The following BAHCC1 variants were observed in gnomAD, a reference collection of about 807,000 sequenced individuals.
BAHCC1 encodes the protein BAH and coiled-coil domain-containing protein 1.
Under a neutral mutation model 88.2 loss-of-function variants are expected in BAHCC1, and 43 were observed. The observed-to-expected ratio is 0.49, with a 90% CI of 0.38 to 0.63. The LOEUF is 0.63. Among genes scored for constraint, BAHCC1 ranks in the 20% least tolerant of loss-of-function variants. The pLI, the probability that BAHCC1 is intolerant of heterozygous loss-of-function variation, is 0.00. For synonymous variants in BAHCC1, 1,510 were observed against 745.5 expected (o/e 2.03, Z -16.71); for missense variants, 3,023 against 1,654.8 (o/e 1.83, Z -14.34).
chr17:81,447,135 C>T lies in BAHCC1; in HGVS notation c.3263C>T (p.Thr1088Ile), dbSNP rs1555654636. Reference sequence around the variant, plus strand: ...CTCGAGGACCCTGAAACTATGCAAACCACCGCCCCGGGGGCCCAGCCTGAG... The same window carrying T: ...CTCGAGGACCCTGAAACTATGCAAATCACCGCCCCGGGGGCCCAGCCTGAG... ...SNLEDPETMQ[T>I]TAPGAQPEPT... The change falls in exon 11 of 28, where the codon ACC (threonine) becomes ATC (isoleucine). Residue 1088 changes from threonine (T) to isoleucine (I), a missense_variant. Coordinates refer to ENST00000675386, the MANE Select transcript of BAHCC1 (RefSeq NM_001377448.1). 1.3e-6 allele frequency: 1 copy of T among 779,064 alleles called. No individual in the cohort carries two copies. The highest frequency in any genetic ancestry group is 2.4e-5 in the East Asian group (1 of 41,252). The allele number at this position is 779,064 out of a possible 1,614,324, so 48.3% of individuals were successfully genotyped here. A position where few individuals can be genotyped will look rare whatever the true frequency, so the allele number is the denominator to read the frequency against.
In BAHCC1 at chr17:81,463,522, G is replaced by T. The variant is rs1555660040; in HGVS notation, c.7621-89G>T. On this transcript the variant is annotated intron_variant, in intron 27 of 27. Coordinates refer to ENST00000675386, the MANE Select transcript of BAHCC1 (RefSeq NM_001377448.1). ...AGAAGTCCATCCGGTGACCCTTACA[G>T]AGCATGGGTGGGCGGGTGGTCTTTC... The T allele has an allele frequency of 9.4e-6, 7 of 742,642 alleles. No individual in the cohort carries two copies. The Admixed American group carries it at 1.1e-4, about 12-fold the overall frequency. 46.0% of individuals were successfully genotyped at this position (742,642 alleles called of 1,614,324 possible).
chr17:81,447,694 C>A lies in BAHCC1; in HGVS notation c.3822C>A (p.Pro1274=). The A allele has an allele frequency of 1.4e-6, 1 of 735,812 alleles. No individual in the cohort carries two copies. Among genetic ancestry groups the A allele is most frequent in the Non-Finnish European group, 2.5e-6 (1 of 396,120 alleles). 45.6% of individuals were successfully genotyped at this position (735,812 alleles called of 1,614,324 possible). ...CCACCATCAACCTGGGGGACCTGCC[C>A]AGCGACAGCCCACCGGACCCTCAGC... is the stretch of plus-strand genomic sequence containing the variant. ...VAATINLGDL[P]SDSPPDPQPP... Residue 1274 remains proline (P), a synonymous_variant, in exon 11 of 28, where the codon CCC becomes CCA. Coordinates refer to ENST00000675386, the MANE Select transcript of BAHCC1 (RefSeq NM_001377448.1).
chr17:81,455,598 G>A (rs1417884505), intron 15 of BAHCC1, among the ~76,000 whole-genome samples: 5 of 152,148 alleles, frequency 3.3e-5, no homozygotes, highest in South Asian at 2.1e-4. Flanking sequence ...TGGCCCTGCC[G>A]CCACTTGCCC....
At chr17:81,451,634 G>C in intron 11 of BAHCC1, 34 bp from the exon 12 acceptor site, 1 of 762,602 alleles carries the variant, frequency 1.3e-6, no homozygotes, top group Non-Finnish European at 2.4e-6. Context: ...TGTGTGCCCA[G>C]TTATGCCCAT....
chr17:81,444,665 C>T lies in BAHCC1; in HGVS notation c.2513-3C>T, dbSNP rs782661051. The T allele has an allele frequency of 4.1e-5, 32 of 771,844 alleles. No homozygotes were observed. The highest frequency in any genetic ancestry group is 6.8e-5 in the African/African-American group (4 of 59,094). 47.8% of individuals were successfully genotyped at this position (771,844 alleles called of 1,614,324 possible). ...CCTGACCACTGTGCCCTCTGCCTCC[C>T]AGGCCTGGGGCACCCTGCCCTGCAC... is the stretch of plus-strand genomic sequence containing the variant. On this transcript the variant is annotated splice_polypyrimidine_tract_variant and splice_region_variant and intron_variant, in intron 7 of 27. Transcript: ENST00000675386.
At chr17:81,463,138 A>G (rs1555659979) in intron 27 of BAHCC1, among the ~76,000 whole-genome samples, 162 bp downstream of exon 27, 1 of 152,100 alleles carries the variant, frequency 6.6e-6, no homozygotes. Flanking sequence ...GCCCATGGGC[A>G]TGCCCTAGAG....
chr17:81,421,063 G>C (rs2064110357), intron 2 of BAHCC1, among the ~76,000 whole-genome samples: 1 of 152,258 alleles, frequency 6.6e-6, no homozygotes, highest in Non-Finnish European at 1.5e-5. Flanking sequence ...TACGTCACAT[G>C]AGTCTGAAGC....
intron 8 of BAHCC1, 74 bp downstream of exon 8, chr17:81,444,900 C>T (rs1377913765): frequency 4.2e-6 from 3 of 712,130 alleles, no homozygotes; most frequent in South Asian, 1.5e-5. Context: ...GGTGTGCTGG[C>T]CAGGGCTCAG....
Position 81,445,395 on chromosome 17 carries a change from C to A in BAHCC1, c.2877C>A (p.Ala959=). The A allele has an allele frequency of 1.3e-6, 1 of 777,286 alleles. No individual in the cohort carries two copies. 48.1% of individuals were successfully genotyped at this position (777,286 alleles called of 1,614,324 possible). A position where few individuals can be genotyped will look rare whatever the true frequency, so the allele number is the denominator to read the frequency against. ...AGCACCTGGATCTGGAGGAGCCCGC[C>A]CAGGAGAAGGCCCCAAAGTCCACCC... The part of the protein sequence containing the change: ...EDQHLDLEEP[A]QEKAPKSTHK... Residue 959 remains alanine, a synonymous_variant, in exon 10 of 28, where the codon GCC becomes GCA. Coordinates refer to ENST00000675386, the MANE Select transcript of BAHCC1 (RefSeq NM_001377448.1).
intron 3 of BAHCC1, among the ~76,000 whole-genome samples, chr17:81,432,221 G>T (rs1311292363): frequency 3.3e-5 from 5 of 152,118 alleles, no homozygotes; most frequent in African/African-American, 7.2e-5. Context: ...GCCTTCCTAG[G>T]CTGACATCCC....
intron 26 of BAHCC1, 133 bp from the exon 27 acceptor site, chr17:81,462,605 GCC>G: frequency 1.6e-6 from 1 of 607,090 alleles, no homozygotes. Context: ...GCGGCTTCCT[GCC>G]CTTGTGGGCG....
chr17:81,422,849 G>A (rs1441319976), intron 2 of BAHCC1: 1 of 375,746 alleles, frequency 2.7e-6, no homozygotes, highest in Admixed American at 3.4e-5. Context: ...GGGGTGGGAA[G>A]GCCTGGGGGA....
At chr17:81,453,779 C>T (rs2064692549) in intron 14 of BAHCC1, among the ~76,000 whole-genome samples, 2 of 152,248 alleles carry the variant, frequency 1.3e-5, no homozygotes, top group African/African-American at 4.8e-5. Context: ...ACCCCTCTTC[C>T]CGAGGGTCAG....
At position 81,442,472 on chromosome 17, in the gene BAHCC1, G is replaced by A. The variant is rs527817052; in HGVS notation, c.1123G>A (p.Gly375Arg). The A allele has an allele frequency of 1.1e-5, 8 of 721,572 alleles. No homozygotes were observed. The Middle Eastern group carries it at 8.6e-4, about 77-fold the overall frequency. The allele number at this position is 721,572 out of a possible 1,614,324, so 44.7% of individuals were successfully genotyped here. ...CCTGCAGCTGCACGGGGGCCCTGAC[G>A]GGCTCTGCCCGCTGCAGGACAAAGC... The part of the protein sequence containing the change: ...PCLQLHGGPD[G>R]LCPLQDKAPR... The change falls in exon 5 of 28, where the codon GGG becomes AGG. Residue 375 changes from glycine (G) to arginine (R), a missense_variant. By Grantham distance (125) the Gly-to-Arg change is moderately radical. Coordinates refer to ENST00000675386, the MANE Select transcript of BAHCC1 (RefSeq NM_001377448.1).
chr17:81,461,262 G>T lies in BAHCC1; in HGVS notation c.6599G>T (p.Arg2200Leu). Residue 2200 changes from arginine to leucine, a missense_variant, in exon 26 of 28, where the codon CGG becomes CTG. Coordinates refer to ENST00000675386, the MANE Select transcript of BAHCC1 (RefSeq NM_001377448.1). Reference protein sequence around the residue: ...ERVEAEKGGRRRAGGEFLVKL... With the variant: ...ERVEAEKGGRLRAGGEFLVKL... ...GTGGAGGCCGAGAAGGGTGGGCGGC[G>T]GCGGGCGGGCGGTGAGTTCCTGGTC... The T allele has an allele frequency of 2.9e-6, 2 of 697,470 alleles. No individual in the cohort carries two copies. 43.2% of individuals were successfully genotyped at this position (697,470 alleles called of 1,614,324 possible). A position where few individuals can be genotyped will look rare whatever the true frequency, so the allele number is the denominator to read the frequency against.
rs144070181 is a variant in BAHCC1, at chr17:81,418,882, A to G, written c.179-7918A>G. ...ACAGTCAGACCTTGTGTGTACACCC[A>G]TAGTCACGTGCATATGCCCAGAGAC... On this transcript the variant is annotated intron_variant, in intron 2 of 27. Coordinates refer to ENST00000675386, the MANE Select transcript of BAHCC1 (RefSeq NM_001377448.1). Among the ~76,000 whole-genome samples, 778 of 151,890 alleles carry G rather than the reference A, an allele frequency of 5.1e-3. 10 individuals carry two copies. Among genetic ancestry groups the G allele is most frequent in the African/African-American group, 0.017 (724 of 41,412 alleles).
intron 4 of BAHCC1, among the ~76,000 whole-genome samples, chr17:81,439,601 C>T (rs944690034): frequency 3.3e-5 from 5 of 150,406 alleles, no homozygotes; most frequent in Admixed American, 6.6e-5. Context: ...TGGAGAGGGA[C>T]GCCCAGGCTG....
rs1568001230 is a variant in BAHCC1 at position 81,416,317 on chromosome 17, C to CGTGTGTGTCCATGAGGATGGGTGT, written c.179-10466_179-10443dup. 3.6e-5 allele frequency among the ~76,000 whole-genome samples: 4 copies of CGTGTGTGTCCATGAGGATGGGTGT among 112,024 alleles called. No individual in the cohort carries two copies. The Admixed American group carries it at 4.1e-4, about 11-fold the overall frequency. The allele number at this position is 112,024 out of a possible 152,430, so 73.5% of individuals were successfully genotyped here. The stretch of plus-strand genomic sequence containing the variant: ...GTGTGTCCATGAGGGTGGGTGTATG[C>CGTGTGTGTCCATGAGGATGGGTGT]GTGTGTGTCCATGAGGATGGGTGTG... On this transcript the variant is annotated intron_variant, in intron 2 of 27. Coordinates refer to ENST00000675386, the MANE Select transcript of BAHCC1 (RefSeq NM_001377448.1).
chr17:81,451,290 T>A, intron 11 of BAHCC1: 1 of 225,280 alleles, frequency 4.4e-6, no homozygotes, highest in Admixed American at 5.5e-5. Flanking sequence ...CCCCAGAGTA[T>A]CCCTTCCCAG....
Sources: gnomAD v4.1 joint callset for allele counts (sites outside exome capture counted in the v4.1 genomes callset) on GRCh38, gnomAD v4.1.1 for gene constraint, MANE v1.5 for transcripts, NCBI Gene and HGNC (gene_info 2026-07-23, HGNC 2026-07-21) for gene names.